ERCC4: variants seen among roughly 807,000 people sequenced by gnomAD.
The protein encoded by ERCC4 is ERCC excision repair 4, endonuclease catalytic subunit.
In ERCC4, 65 loss-of-function variants were observed where a neutral mutation model predicts 76.9. The ratio of observed to expected loss-of-function variants is 0.84; its 90% confidence interval spans 0.69 to 1.04. The LOEUF is 1.04. Ranked by LOEUF, ERCC4 falls within the 50% of genes least tolerant of loss-of-function variation. ERCC4 has a pLI of 0.00. For missense variants in ERCC4, 1,214 were observed against 1,128.2 expected (o/e 1.08, Z -1.09); for synonymous variants, 463 against 410.1 (o/e 1.13, Z -1.56).
chr16:13,932,085 A>T (rs3136121), intron 5 of ERCC4, 72 bp from the exon 6 acceptor site: 14 of 1,310,486 alleles, frequency 1.1e-5, no homozygotes, highest in South Asian at 2.4e-5. Flanking sequence ...TATGTAGGTC[A>T]TGTGACCATC....
At chr16:13,937,999 A>C in intron 9 of ERCC4, 141 bp downstream of exon 9, 1 of 679,390 alleles carries the variant, frequency 1.5e-6, no homozygotes, top group Non-Finnish European at 2.7e-6. Context: ...TGTGGTCTGA[A>C]TTGTCCTCCA....
chr16:13,930,887 T>C lies in ERCC4; in HGVS notation c.970T>C (p.Ser324Pro). The C allele has an allele frequency of 1.9e-6, 3 of 1,603,438 alleles. No individual in the cohort carries two copies. Among genetic ancestry groups the C allele is most frequent in the Non-Finnish European group, 2.6e-6 (3 of 1,170,368 alleles). Residue 324 changes from serine (S) to proline (P), a missense_variant, in exon 5 of 11, where the codon TCA (serine) becomes CCA (proline). Physicochemically the swap from Ser to Pro is moderately conservative, Grantham distance 74 (BLOSUM62 -1). Transcript: ENST00000311895. ...RATEKAFGQN[S>P]GWLFLDSSTS... ...AACGGAAAAAGCTTTTGGTCAGAAT[T>C]CAGGTGGGAGATTAAAATACTAATA...
In ERCC4 at chr16:13,928,088, T is replaced by G; in HGVS notation, c.645T>G (p.His215Gln). Reference sequence around the variant, plus strand: ...ACAAACCTGAAGTTGTAGAAATCCATGTTTCTATGACACCTACCATGCTTG... The same window carrying G: ...ACAAACCTGAAGTTGTAGAAATCCAGGTTTCTATGACACCTACCATGCTTG... ...EQHKPEVVEI[H>Q]VSMTPTMLAI... The change falls in exon 4 of 11, where the codon CAT (histidine) becomes CAG (glutamine). Residue 215 changes from histidine to glutamine, a missense_variant. Transcript: ENST00000311895. 1 of 1,613,660 alleles carries G rather than the reference T, an allele frequency of 6.2e-7. No homozygotes were observed.
At position 13,944,813 on chromosome 16, in the gene ERCC4, T is replaced by C; in HGVS notation, c.1995T>C (p.Val665=). 6.2e-7 allele frequency: 1 copy of C among 1,612,448 alleles called. No homozygotes were observed. Residue 665 remains valine (V), a synonymous_variant, in exon 10 of 11, where the codon GTT becomes GTC. Coordinates refer to ENST00000311895, the MANE Select transcript of ERCC4 (RefSeq NM_005236.3). Reference sequence around the variant, plus strand: ...TAAGAGGCACAGCATCTGCAGATGTTTCCACTGACACTCGGAAAGCCGGTG... The same window carrying C: ...TAAGAGGCACAGCATCTGCAGATGTCTCCACTGACACTCGGAAAGCCGGTG... ...DLVRGTASAD[V]STDTRKAGGQ... is the part of the protein sequence containing the mutation.
Position 13,935,683 on chromosome 16 carries a change from A to G in ERCC4, c.1751A>G (p.Glu584Gly). 1.2e-6 allele frequency: 2 copies of G among 1,614,166 alleles called. No individual in the cohort carries two copies. Among genetic ancestry groups the G allele is most frequent in the Non-Finnish European group, 1.7e-6 (2 of 1,180,038 alleles). The stretch of plus-strand genomic sequence containing the variant: ...AGATACGTGGTTCTTTATGACGCAG[A>G]GCTAACCTTTGTTCGGCAGCTTGAA... ...EPRYVVLYDA[E>G]LTFVRQLEIY... Residue 584 changes from glutamate (E) to glycine (G), a missense_variant, in exon 8 of 11, where the codon GAG becomes GGG. Glu to Gly is a moderately conservative substitution (Grantham distance 98, BLOSUM62 -2). Transcript: ENST00000311895.
intron 9 of ERCC4, among the ~76,000 whole-genome samples, chr16:13,943,103 A>ATAGGTTGTT (rs2032447091): frequency 6.6e-6 from 1 of 152,224 alleles, no homozygotes; most frequent in African/African-American, 2.4e-5. Flanking sequence ...ATTTGCATTT[A>ATAGGTTGTT]TAGGTTGTTT....
At position 13,932,186 on chromosome 16, in the gene ERCC4, A is replaced by G. The variant is rs758884625; in HGVS notation, c.1003A>G (p.Met335Val). The part of the protein sequence containing the change: ...GWLFLDSSTS[M>V]FINARARVYH... ...GCTGTTTCTTGACTCCAGCACCTCG[A>G]TGTTTATAAATGCTCGAGCAAGGGT... Residue 335 changes from methionine to valine, a missense_variant, in exon 6 of 11, where the codon ATG (methionine) becomes GTG (valine). By Grantham distance (21) the Met-to-Val change is conservative (BLOSUM62 1). Coordinates refer to ENST00000311895, the MANE Select transcript of ERCC4 (RefSeq NM_005236.3). 4.3e-6 allele frequency: 7 copies of G among 1,613,470 alleles called. No homozygotes were observed. The highest frequency in any genetic ancestry group is 5.9e-6 in the Non-Finnish European group (7 of 1,179,554).
intron 5 of ERCC4, chr16:13,931,624 T>TA (rs1208096402): frequency 6.4e-6 from 1 of 156,714 alleles, no homozygotes; most frequent in Non-Finnish European, 1.4e-5. Flanking sequence ...CATTTCAAAG[T>TA]AAAAAATGTT....
chr16:13,920,206 C>G lies in ERCC4; in HGVS notation c.41C>G (p.Pro14Arg), dbSNP rs754622238. The change falls in exon 1 of 11, where the codon CCG (proline) becomes CGG (arginine). Residue 14 changes from proline (P) to arginine (R), a missense_variant. Pro to Arg is a moderately radical substitution (Grantham distance 103, BLOSUM62 -2). Coordinates refer to ENST00000311895, the MANE Select transcript of ERCC4 (RefSeq NM_005236.3). ...CCGGCTCGACGGATTGCCATGGCGC[C>G]GCTGCTGGAGTACGAGCGACAGCTG... Reference protein sequence around the residue: ...GQPARRIAMAPLLEYERQLVL... With the variant: ...GQPARRIAMARLLEYERQLVL... The G allele has an allele frequency of 1.1e-5, 17 of 1,607,356 alleles. No homozygotes were observed. The highest frequency in any genetic ancestry group is 1.7e-5 in the Admixed American group (1 of 60,028).
Position 13,948,318 on chromosome 16 carries a change from G to GA in ERCC4, c.2722_2723insA (p.Val908AspfsTer32), listed in dbSNP as rs765546590. 28 of 1,612,978 alleles carry GA rather than the reference G, an allele frequency of 1.7e-5. No homozygotes were observed. The highest frequency in any genetic ancestry group is 2.3e-5 in the Non-Finnish European group (27 of 1,180,028). On this transcript the variant is annotated frameshift_variant, in exon 11 of 11. Transcript: ENST00000311895. LOFTEE classifies it high-confidence loss of function. ...TTTCATTCACACCTCTTTTGCAGAAGTCGTATCAAAAGGAAAAGGGAAAAA... is the reference window on the plus strand; with the variant it reads ...TTTCATTCACACCTCTTTTGCAGAAGATCGTATCAAAAGGAAAAGGGAAAAA...
intron 5 of ERCC4, 65 bp downstream of exon 5, chr16:13,930,955 G>T: frequency 1.8e-6 from 2 of 1,140,000 alleles, no homozygotes; most frequent in East Asian, 2.4e-5. Flanking sequence ...GGTTTTAGGG[G>T]GAATCAGGTG....
Position 13,920,208 on chromosome 16 carries a change from C to G in ERCC4, c.43C>G (p.Leu15Val). 1.2e-6 allele frequency: 2 copies of G among 1,607,484 alleles called. No individual in the cohort carries two copies. Among genetic ancestry groups the G allele is most frequent in the Non-Finnish European group, 1.7e-6 (2 of 1,179,938 alleles). ...QPARRIAMAP[L>V]LEYERQLVLE... is the part of the protein sequence containing the mutation. ...GGCTCGACGGATTGCCATGGCGCCG[C>G]TGCTGGAGTACGAGCGACAGCTGGT... is the stretch of plus-strand genomic sequence containing the variant. Residue 15 changes from leucine (L) to valine (V), a missense_variant, in exon 1 of 11, where the codon CTG becomes GTG. Leu to Val is a conservative substitution (Grantham distance 32). Transcript: ENST00000311895.
intron 10 of ERCC4, among the ~76,000 whole-genome samples, chr16:13,945,610 A>T (rs1044181392): frequency 3.4e-4 from 51 of 152,148 alleles, no homozygotes; most frequent in African/African-American, 1.1e-3. Context: ...CTGTAGATTC[A>T]TAACCCTCAA....
intron 5 of ERCC4, 49 bp downstream of exon 5, chr16:13,930,939 G>C (rs1401600721): frequency 1.5e-6 from 2 of 1,342,352 alleles, no homozygotes; most frequent in Non-Finnish European, 2.1e-6. Context: ...TTTGAATAAA[G>C]TGTTAGGTTT....
chr16:13,945,792 G>A (rs983380669), intron 10 of ERCC4, among the ~76,000 whole-genome samples: 1 of 152,174 alleles, frequency 6.6e-6, no homozygotes, highest in African/African-American at 2.4e-5. Flanking sequence ...CATGAAGAAC[G>A]ACAGAATGTA....
rs538185672 is a variant in ERCC4 at position 13,935,426 on chromosome 16, A to T, written c.1494A>T (p.Val498=). ...KKRKLTLTQM[V]GKPEELEEEG... Reference sequence around the variant, plus strand: ...GGAAGTTGACCTTAACTCAAATGGTAGGAAAACCTGAAGAACTGGAAGAGG... The same window carrying T: ...GGAAGTTGACCTTAACTCAAATGGTTGGAAAACCTGAAGAACTGGAAGAGG... Residue 498 remains valine (V), a synonymous_variant, in exon 8 of 11, where the codon GTA becomes GTT. Transcript: ENST00000311895. 1 of 1,613,888 alleles carries T rather than the reference A, an allele frequency of 6.2e-7. No homozygotes were observed. The highest frequency in any genetic ancestry group is 1.3e-5 in the African/African-American group (1 of 75,032).
Position 13,922,159 on chromosome 16 carries a change from G to A in ERCC4, c.336G>A (p.Arg112=), listed in dbSNP as rs1246174701. The A allele has an allele frequency of 3.1e-6, 5 of 1,611,496 alleles. No individual in the cohort carries two copies. In the African/African-American group the frequency reaches 4.0e-5, roughly 13 times the overall value. Residue 112 remains arginine, a synonymous_variant, in exon 2 of 11, where the codon AGG becomes AGA. Coordinates refer to ENST00000311895, the MANE Select transcript of ERCC4 (RefSeq NM_005236.3). ...TQGGVIFATS[R]ILVVDFLTDR... ...GTGGTGTTATATTTGCGACAAGTAG[G>A]ATACTTGTGGTTGACTTCTTGACTG...
At chr16:13,938,118 A>G (rs1427097356) in intron 9 of ERCC4, among the ~76,000 whole-genome samples, 1 of 152,062 alleles carries the variant, frequency 6.6e-6, no homozygotes, top group African/African-American at 2.4e-5. Context: ...GACAAAGACA[A>G]CTGCTTTTTT....
Position 13,948,317 on chromosome 16 carries a change from AGTC to A in ERCC4, c.2724_2726del (p.Val909del). On this transcript the variant is annotated inframe_deletion, in exon 11 of 11. Coordinates refer to ENST00000311895, the MANE Select transcript of ERCC4 (RefSeq NM_005236.3). Reference sequence around the variant, plus strand: ...ATTTCATTCACACCTCTTTTGCAGAAGTCGTATCAAAAGGAAAAGGGAAAAAGT... The same window carrying A: ...ATTTCATTCACACCTCTTTTGCAGAAGTATCAAAAGGAAAAGGGAAAAAGT... 1 of 1,613,184 alleles carries A rather than the reference AGTC, an allele frequency of 6.2e-7. No homozygotes were observed. The highest frequency in any genetic ancestry group is 1.1e-5 in the South Asian group (1 of 91,080).
Sources: gnomAD v4.1 joint callset for allele counts (sites outside exome capture counted in the v4.1 genomes callset) on GRCh38, gnomAD v4.1.1 for gene constraint, MANE v1.5 for transcripts, NCBI Gene and HGNC (gene_info 2026-07-23, HGNC 2026-07-21) for gene names.